The following DHRSX variants were observed in gnomAD, a reference collection of about 807,000 sequenced individuals.
The protein encoded by DHRSX is dehydrogenase/reductase X-linked.
In DHRSX, 31 loss-of-function variants were observed where a neutral mutation model predicts 34.0. The ratio of observed to expected loss-of-function variants is 0.91; its 90% CI spans 0.69 to 1.23. The LOEUF (loss-of-function observed/expected upper bound fraction) is 1.23. Ranked by LOEUF, DHRSX falls within the 50% of genes most tolerant of loss-of-function variation. DHRSX has a pLI of 0.00. For synonymous variants in DHRSX, 201 were observed against 183.8 expected, an observed-to-expected ratio of 1.09 and a Z score of -0.76; for missense variants, 414 against 428.1, an observed-to-expected ratio of 0.97 and a Z score of 0.29.
chrX:2,445,067 G>A (rs1236577598), intron 1 of DHRSX, among the ~76,000 whole-genome samples: 2 of 152,068 alleles, frequency 1.3e-5, no homozygotes, highest in African/African-American at 2.4e-5. Flanking sequence ...TGAGGCGGGG[G>A]AATTGCTTGA....
intron 4 of DHRSX, among the ~76,000 whole-genome samples, chrX:2,270,593 G>A (rs970309865): frequency 2.6e-5 from 4 of 152,180 alleles, no homozygotes; most frequent in African/African-American, 9.7e-5. Flanking sequence ...GGCCCCAGTG[G>A]AGGCTTGACA....
intron 6 of DHRSX, among the ~76,000 whole-genome samples, chrX:2,225,012 TCA>T (rs2015615655): frequency 6.8e-6 from 1 of 146,212 alleles, no homozygotes; most frequent in Admixed American, 6.8e-5. Flanking sequence ...ATGCTCACAC[TCA>T]TTCACATGCA....
At chrX:2,288,451 T>A (rs1468468703) in intron 4 of DHRSX, among the ~76,000 whole-genome samples, 1 of 152,180 alleles carries the variant, frequency 6.6e-6, no homozygotes, top group African/African-American at 2.4e-5. Flanking sequence ...TCCACGTTGG[T>A]CTCGAACTCC....
intron 6 of DHRSX, among the ~76,000 whole-genome samples, chrX:2,231,696 TTCAC>T (rs1276691124): frequency 2.0e-5 from 3 of 150,708 alleles, no homozygotes; most frequent in Non-Finnish European, 4.4e-5. Context: ...TTCTTGCCTT[TTCAC>T]TCTCTATTCC....
chrX:2,315,879 T>TAAAGAAAA (rs2042236250), intron 3 of DHRSX, among the ~76,000 whole-genome samples: 1 of 152,134 alleles, frequency 6.6e-6, no homozygotes, highest in African/African-American at 2.4e-5. Context: ...CTCTTTTCTT[T>TAAAGAAAA]GAGACAGAGT....
At chrX:2,497,705 G>T (rs988489775) in intron 1 of DHRSX, among the ~76,000 whole-genome samples, 1 of 152,122 alleles carries the variant, frequency 6.6e-6, no homozygotes, top group Non-Finnish European at 1.5e-5. Flanking sequence ...ATTGGAACTG[G>T]ACTTGACTAC....
intron 3 of DHRSX, among the ~76,000 whole-genome samples, chrX:2,317,661 C>T (rs2042257099): frequency 6.6e-6 from 1 of 151,878 alleles, no homozygotes; most frequent in Non-Finnish European, 1.5e-5. Flanking sequence ...ATAAAAGAGG[C>T]AAATGATTAC....
intron 1 of DHRSX, among the ~76,000 whole-genome samples, chrX:2,437,057 G>A (rs1228980961): frequency 6.6e-6 from 1 of 152,034 alleles, no homozygotes; most frequent in Non-Finnish European, 1.5e-5. Context: ...GAGTGCAGTG[G>A]TGCAATCTCG....
intron 1 of DHRSX, among the ~76,000 whole-genome samples, chrX:2,460,967 T>G (rs1248220650): frequency 6.6e-6 from 1 of 151,982 alleles, no homozygotes; most frequent in African/African-American, 2.4e-5. Flanking sequence ...ATCATCCTCC[T>G]GCCTCAGCCT....
chrX:2,311,899 G>A (rs923044369), intron 3 of DHRSX, among the ~76,000 whole-genome samples: 4 of 152,126 alleles, frequency 2.6e-5, no homozygotes, highest in Non-Finnish European at 5.9e-5. Context: ...CCTGTCTGCT[G>A]TTTAGATACA....
In DHRSX at chrX:2,243,020, T is replaced by C; in HGVS notation, c.804+3A>G. 6.2e-7 allele frequency: 1 copy of C among 1,612,798 alleles called. No homozygotes were observed. Among genetic ancestry groups the C allele is most frequent in the South Asian group, 1.1e-5 (1 of 91,028 alleles). The stretch of plus-strand genomic sequence containing the variant: ...GTGAATCAGAGAAGCAGAAGGGGCT[T>C]ACCTTGAAAAGCAACCAGCCGAGAA... On this transcript the variant is annotated splice_donor_region_variant and intron_variant, in intron 6 of 6. Coordinates refer to ENST00000334651, the MANE Select transcript of DHRSX (RefSeq NM_145177.3).
At chrX:2,301,693 C>T (rs188336096) in intron 3 of DHRSX, among the ~76,000 whole-genome samples, 9,094 of 151,788 alleles carry the variant, frequency 0.06, 357 homozygotes, top group African/African-American at 0.11. Context: ...GGCTGAAGTG[C>T]GGTGGTGCGA....
At chrX:2,310,084 C>T (rs749507275) in intron 3 of DHRSX, among the ~76,000 whole-genome samples, 3 of 152,224 alleles carry the variant, frequency 2.0e-5, no homozygotes, top group Admixed American at 6.6e-5. Flanking sequence ...AATAAATTCA[C>T]GAGTGTCTTG....
chrX:2,293,170 C>G (rs931497088), intron 3 of DHRSX, among the ~76,000 whole-genome samples: 2 of 151,704 alleles, frequency 1.3e-5, no homozygotes, highest in African/African-American at 2.4e-5. Flanking sequence ...CTATTGTATT[C>G]AGTATATCAA....
intron 1 of DHRSX, among the ~76,000 whole-genome samples, chrX:2,426,085 A>C (rs897328581): frequency 2.0e-5 from 3 of 152,048 alleles, no homozygotes; most frequent in Non-Finnish European, 4.4e-5. Context: ...CATATGAAAG[A>C]CAGGTTCATA....
chrX:2,361,917 C>T (rs191440134), intron 3 of DHRSX, among the ~76,000 whole-genome samples: 2 of 152,304 alleles, frequency 1.3e-5, no homozygotes, highest in Admixed American at 1.3e-4. Flanking sequence ...CAGAGTGTGG[C>T]TGCGTTTCTG....
intron 1 of DHRSX, among the ~76,000 whole-genome samples, chrX:2,472,373 G>C (rs1457588943): frequency 1.3e-5 from 2 of 152,136 alleles, no homozygotes; most frequent in African/African-American, 4.8e-5. Context: ...CTACCTATCA[G>C]ATGGTAGTAG....
intron 3 of DHRSX, among the ~76,000 whole-genome samples, chrX:2,303,854 TGG>T (rs2042050824): frequency 5.0e-5 from 2 of 40,060 alleles, no homozygotes; most frequent in South Asian, 7.4e-4. Context: ...GATGGATGGG[TGG>T]ATGGGTGGAT....
intron 3 of DHRSX, among the ~76,000 whole-genome samples, chrX:2,393,203 A>G (rs1258261414): frequency 6.6e-6 from 1 of 150,518 alleles, no homozygotes; most frequent in African/African-American, 2.4e-5. Context: ...TCAAATATAT[A>G]AATGTGTATA....
Sources: gnomAD v4.1 joint callset for allele counts (sites outside exome capture counted in the v4.1 genomes callset) on GRCh38, gnomAD v4.1.1 for gene constraint, MANE v1.5 for transcripts, NCBI Gene and HGNC (gene_info 2026-07-23, HGNC 2026-07-21) for gene names.